The following PTPRD variants were observed in gnomAD, a reference collection of about 807,000 sequenced individuals.
PTPRD encodes protein tyrosine phosphatase receptor type D.
PTPRD carries 34 observed loss-of-function variants against 214.5 expected under a neutral mutation model. The observed-to-expected ratio is 0.16, with a 90% CI of 0.12 to 0.21. The LOEUF (loss-of-function observed/expected upper bound fraction) is 0.21, where lower values mean the gene tolerates loss of function less well. Ranked by LOEUF, PTPRD falls within the 10% of genes least tolerant of loss-of-function variation. The pLI is 1.00. For missense variants in PTPRD, 2,545 were observed against 2,398.7 expected (o/e 1.06, Z -1.27); for synonymous variants, 1,128 against 845.7 (o/e 1.33, Z -5.79).
intron 8 of PTPRD, among the ~76,000 whole-genome samples, chr9:9,533,710 G>A (rs561494425): frequency 3.9e-4 from 60 of 151,942 alleles, no homozygotes; most frequent in African/African-American, 1.4e-3. Context: ...TAATATTAAT[G>A]ATGATCTCTC....
At chr9:9,755,409 C>T (rs141959403) in intron 6 of PTPRD, among the ~76,000 whole-genome samples, 6 of 152,090 alleles carry the variant, frequency 3.9e-5, no homozygotes, top group African/African-American at 7.2e-5. Flanking sequence ...TCTGTTACCA[C>T]GGTTTAAGGG....
At chr9:9,807,851 C>A (rs1029757646) in intron 5 of PTPRD, among the ~76,000 whole-genome samples, 1 of 152,130 alleles carries the variant, frequency 6.6e-6, no homozygotes, top group Non-Finnish European at 1.5e-5. Context: ...TTTTCCAAAA[C>A]AGATGATTCT....
chr9:10,544,515 G>A (rs923982118), intron 2 of PTPRD, among the ~76,000 whole-genome samples: 10 of 151,954 alleles, frequency 6.6e-5, no homozygotes, highest in African/African-American at 2.4e-4. Flanking sequence ...TCAATAATGG[G>A]ATAAAGCAAT....
chr9:9,314,766 A>G (rs1319607460), intron 9 of PTPRD, among the ~76,000 whole-genome samples: 1 of 152,096 alleles, frequency 6.6e-6, no homozygotes, highest in Non-Finnish European at 1.5e-5. Context: ...TCATTCTCTA[A>G]TTTAACAAAA....
At chr9:10,513,706 C>G (rs1226299748) in intron 2 of PTPRD, among the ~76,000 whole-genome samples, 2 of 152,138 alleles carry the variant, frequency 1.3e-5, no homozygotes, top group African/African-American at 2.4e-5. Context: ...AAGTCAGGGC[C>G]TGATTTGCCA....
intron 3 of PTPRD, among the ~76,000 whole-genome samples, chr9:10,131,840 G>T (rs924288117): frequency 3.3e-5 from 5 of 152,110 alleles, no homozygotes; most frequent in African/African-American, 1.2e-4. Context: ...ATTCACACCT[G>T]TTTGGAGATT....
At chr9:9,615,021 C>A (rs923638901) in intron 7 of PTPRD, among the ~76,000 whole-genome samples, 1 of 152,146 alleles carries the variant, frequency 6.6e-6, no homozygotes, top group African/African-American at 2.4e-5. Flanking sequence ...GGGCTTCCTG[C>A]AATTTCCAGC....
intron 14 of PTPRD, among the ~76,000 whole-genome samples, chr9:8,587,539 T>C (rs777161802): frequency 6.6e-5 from 10 of 152,200 alleles, no homozygotes; most frequent in Non-Finnish European, 1.3e-4. Context: ...ATGAGTAAAA[T>C]ATAACCTTCT....
chr9:9,363,632 C>A (rs1460418989), intron 9 of PTPRD, among the ~76,000 whole-genome samples: 1 of 151,134 alleles, frequency 6.6e-6, no homozygotes, highest in Non-Finnish European at 1.5e-5. Context: ...GTTTTTCTAG[C>A]TAAGTGGAAG....
chr9:8,941,213 T>A (rs1233870486), intron 11 of PTPRD, among the ~76,000 whole-genome samples: 1 of 152,156 alleles, frequency 6.6e-6, no homozygotes, highest in Admixed American at 6.6e-5. Flanking sequence ...TAAATGTATC[T>A]CCTCAACCTT....
chr9:8,339,082 A>G, intron 42 of PTPRD, 35 bp from the exon 43 acceptor site: 2 of 1,588,520 alleles, frequency 1.3e-6, no homozygotes, highest in Non-Finnish European at 1.7e-6. Context: ...AAACTATGCA[A>G]AGTATAAAGA....
intron 7 of PTPRD, among the ~76,000 whole-genome samples, chr9:9,644,596 G>A (rs2096081903): frequency 6.6e-6 from 1 of 152,180 alleles, no homozygotes. Flanking sequence ...ATAGGAAGCA[G>A]ACAAATGCTG....
intron 9 of PTPRD, among the ~76,000 whole-genome samples, chr9:9,301,607 T>G (rs1026729030): frequency 2.0e-5 from 3 of 151,914 alleles, no homozygotes; most frequent in Non-Finnish European, 2.9e-5. Context: ...ACTTTATCCC[T>G]TGAATATTGC....
At chr9:10,267,881 A>G (rs1282148037) in intron 3 of PTPRD, among the ~76,000 whole-genome samples, 1 of 152,224 alleles carries the variant, frequency 6.6e-6, no homozygotes, top group Non-Finnish European at 1.5e-5. Context: ...TGAATACAGT[A>G]AAAGTGAAAT....
chr9:8,617,979 T>TA, intron 14 of PTPRD, among the ~76,000 whole-genome samples: 1 of 152,238 alleles, frequency 6.6e-6, no homozygotes, highest in African/African-American at 2.4e-5. Flanking sequence ...TTGTCCCACT[T>TA]AAAGCTCTTG....
intron 13 of PTPRD, among the ~76,000 whole-genome samples, chr9:8,635,778 T>C (rs2096411566): frequency 6.6e-6 from 1 of 152,102 alleles, no homozygotes; most frequent in Middle Eastern, 3.2e-3. Context: ...TGGTAGCCCC[T>C]AAAATTAAAG....
intron 8 of PTPRD, among the ~76,000 whole-genome samples, chr9:9,480,819 C>T (rs1440476230): frequency 6.6e-6 from 1 of 152,026 alleles, no homozygotes; most frequent in African/African-American, 2.4e-5. Context: ...AATGCTAAAA[C>T]ATGTGGTACG....
chr9:8,798,806 T>C (rs916172642), intron 11 of PTPRD, among the ~76,000 whole-genome samples: 1 of 152,196 alleles, frequency 6.6e-6, no homozygotes, highest in African/African-American at 2.4e-5. Context: ...ACAGTTATTT[T>C]AGTCACAGAC....
Position 9,333,415 on chromosome 9 carries a change from G to C in PTPRD, c.-203+64034C>G, listed in dbSNP as rs183343815. 1.6e-3 allele frequency among the ~76,000 whole-genome samples: 243 copies of C among 149,864 alleles called. 2 individuals carry two copies. The highest frequency in any genetic ancestry group is 5.7e-3 in the African/African-American group (232 of 40,680). Reference sequence around the variant, plus strand: ...ATGGATTGTTTAGGGGAGAATAAAAGCTACATAGAGAGCATTGGGCTCTCT... The same window carrying C: ...ATGGATTGTTTAGGGGAGAATAAAACCTACATAGAGAGCATTGGGCTCTCT... On this transcript the variant is annotated intron_variant, in intron 9 of 45. Transcript: ENST00000381196.
Sources: allele counts gnomAD v4.1 joint callset (sites outside exome capture counted in the v4.1 genomes callset), GRCh38; gene constraint gnomAD v4.1.1; transcripts MANE v1.5; gene names NCBI Gene and HGNC (gene_info 2026-07-23, HGNC 2026-07-21).